Variants in HS3ST4 observed in about 807,000 individuals in gnomAD.
HS3ST4 encodes heparan sulfate glucosamine 3-O-sulfotransferase 4.
In HS3ST4, 17 loss-of-function variants were observed where a neutral mutation model predicts 29.2. The ratio of observed to expected loss-of-function variants is 0.58; its 90% CI spans 0.40 to 0.87. The LOEUF (loss-of-function observed/expected upper bound fraction) is 0.87. HS3ST4 is among the 40% of genes least tolerant of loss of function. HS3ST4 has a pLI of 0.00. For synonymous variants in HS3ST4, 314 were observed against 285.7 expected (o/e 1.10, Z -1.00); for missense variants, 627 against 634.5 (o/e 0.99, Z 0.13).
At chr16:25,716,510 G>A (rs189663275) in intron 1 of HS3ST4, among the ~76,000 whole-genome samples, 19 of 152,308 alleles carry the variant, frequency 1.2e-4, no homozygotes, top group East Asian at 3.9e-4. Context: ...AGAGAAAGCC[G>A]CATCTTGAAA....
chr16:25,938,563 G>T (rs1968540792), intron 1 of HS3ST4, among the ~76,000 whole-genome samples: 1 of 151,142 alleles, frequency 6.6e-6, no homozygotes, highest in Non-Finnish European at 1.5e-5. Context: ...AAACAGAAAT[G>T]AAATACTCCC....
chr16:25,768,159 C>G (rs1966833446), intron 1 of HS3ST4, among the ~76,000 whole-genome samples: 1 of 152,158 alleles, frequency 6.6e-6, no homozygotes, highest in Non-Finnish European at 1.5e-5. Flanking sequence ...GTTTTGGAGG[C>G]CACTGCTCCT....
At chr16:25,955,512 A>G (rs377310693) in intron 1 of HS3ST4, among the ~76,000 whole-genome samples, 11 of 152,316 alleles carry the variant, frequency 7.2e-5, no homozygotes, top group African/African-American at 2.4e-4. Flanking sequence ...TGAATTTCCC[A>G]GTAGGAACCT....
intron 1 of HS3ST4, among the ~76,000 whole-genome samples, chr16:25,837,522 A>G (rs1967369554): frequency 6.6e-6 from 1 of 152,216 alleles, no homozygotes; most frequent in African/African-American, 2.4e-5. Context: ...TGCTGACATT[A>G]TAGTAGCCAA....
chr16:25,790,841 G>A (rs1339195058), intron 1 of HS3ST4, among the ~76,000 whole-genome samples: 2 of 152,124 alleles, frequency 1.3e-5, no homozygotes, highest in Non-Finnish European at 2.9e-5. Flanking sequence ...CAACTAGTCT[G>A]TGCCGATGTT....
intron 1 of HS3ST4, among the ~76,000 whole-genome samples, chr16:25,740,341 G>A (rs1040818523): frequency 6.6e-6 from 1 of 152,168 alleles, no homozygotes; most frequent in African/African-American, 2.4e-5. Flanking sequence ...CAGAAAAAAA[G>A]ATAGTTTGAG....
At chr16:26,043,762 G>A (rs146638334) in intron 1 of HS3ST4, among the ~76,000 whole-genome samples, 76 of 152,238 alleles carry the variant, frequency 5.0e-4, no homozygotes, top group African/African-American at 1.7e-3. Context: ...GTAAAAAATT[G>A]AGAAGCTGTA....
chr16:26,001,604 T>C (rs1969212132), intron 1 of HS3ST4, among the ~76,000 whole-genome samples: 1 of 152,194 alleles, frequency 6.6e-6, no homozygotes, highest in Non-Finnish European at 1.5e-5. Flanking sequence ...TGAAAGACAC[T>C]GCAATTAATA....
At chr16:25,827,356 T>C (rs1967228789) in intron 1 of HS3ST4, among the ~76,000 whole-genome samples, 1 of 152,154 alleles carries the variant, frequency 6.6e-6, no homozygotes, top group South Asian at 2.1e-4. Context: ...ATCCATACCC[T>C]GATCGACACC....
intron 1 of HS3ST4, among the ~76,000 whole-genome samples, chr16:26,094,910 A>T (rs1898903964): frequency 6.7e-6 from 1 of 149,414 alleles, no homozygotes; most frequent in South Asian, 2.2e-4. Flanking sequence ...AAATAAAGGG[A>T]TGGAGGAAGA....
intron 1 of HS3ST4, among the ~76,000 whole-genome samples, chr16:26,111,671 C>T (rs1021203007): frequency 1.3e-5 from 2 of 152,074 alleles, no homozygotes; most frequent in Admixed American, 6.6e-5. Flanking sequence ...AAACTGAACA[C>T]ATAGATTTTT....
At chr16:25,791,543 T>G (rs1966869185) in intron 1 of HS3ST4, among the ~76,000 whole-genome samples, 1 of 152,136 alleles carries the variant, frequency 6.6e-6, no homozygotes, top group South Asian at 2.1e-4. Flanking sequence ...AGTCTAAGAA[T>G]GTGGTATAAC....
intron 1 of HS3ST4, among the ~76,000 whole-genome samples, chr16:25,796,418 G>T (rs1966886046): frequency 6.6e-6 from 1 of 152,028 alleles, no homozygotes; most frequent in African/African-American, 2.4e-5. Context: ...GGGAGTGCTG[G>T]TTCTCCACAA....
chr16:25,717,975 G>C (rs1966468186), intron 1 of HS3ST4, among the ~76,000 whole-genome samples: 1 of 152,096 alleles, frequency 6.6e-6, no homozygotes, highest in South Asian at 2.1e-4. Context: ...ATATTTGGGA[G>C]GTAAAACTGA....
At chr16:25,808,621 T>G (rs1257772906) in intron 1 of HS3ST4, among the ~76,000 whole-genome samples, 2 of 152,200 alleles carry the variant, frequency 1.3e-5, no homozygotes, top group Admixed American at 6.5e-5. Context: ...ATATAAATTT[T>G]AGAATGTGTT....
At chr16:25,924,222 G>A (rs1246711526) in intron 1 of HS3ST4, among the ~76,000 whole-genome samples, 1 of 151,938 alleles carries the variant, frequency 6.6e-6, no homozygotes, top group Non-Finnish European at 1.5e-5. Context: ...TATTCTGTAC[G>A]GCCAATCTGT....
chr16:26,043,620 A>C (rs1219048789), intron 1 of HS3ST4, among the ~76,000 whole-genome samples: 2 of 152,184 alleles, frequency 1.3e-5, no homozygotes, highest in Non-Finnish European at 2.9e-5. Context: ...GAGAATTGTA[A>C]CCACAGTGTA....
intron 1 of HS3ST4, among the ~76,000 whole-genome samples, chr16:25,854,481 G>T (rs570767625): frequency 6.6e-6 from 1 of 152,098 alleles, no homozygotes; most frequent in Non-Finnish European, 1.5e-5. Flanking sequence ...ATTGCCATCT[G>T]TTTTATCAGC....
chr16:26,000,595 T>C (rs1373116911), intron 1 of HS3ST4, among the ~76,000 whole-genome samples: 2 of 152,078 alleles, frequency 1.3e-5, no homozygotes, highest in African/African-American at 4.8e-5. Flanking sequence ...TTGAGTAGCA[T>C]TAGTAAGGAA....
Sources: gnomAD v4.1 joint callset for allele counts (sites outside exome capture counted in the v4.1 genomes callset) on GRCh38, gnomAD v4.1.1 for gene constraint, MANE v1.5 for transcripts, NCBI Gene and HGNC (gene_info 2026-07-23, HGNC 2026-07-21) for gene names.